DACH2: variants seen among roughly 807,000 people sequenced by gnomAD.
The protein encoded by DACH2 is dachshund homolog 2.
Under a neutral mutation model 35.8 loss-of-function variants are expected in DACH2, and 17 were observed. The observed-to-expected ratio is 0.48, with a 90% CI of 0.33 to 0.71. The LOEUF (loss-of-function observed/expected upper bound fraction) is 0.71, where lower values mean the gene tolerates loss of function less well. DACH2 is among the 30% of genes least tolerant of loss of function. The probability of loss-of-function intolerance (pLI) is 0.02; values close to 1 mark genes in which losing one functional copy is unlikely to be tolerated. For synonymous variants in DACH2, 195 were observed against 177.3 expected (o/e 1.10, Z -0.79); for missense variants, 469 against 472.7 (o/e 0.99, Z 0.07).
chrX:86,403,966 C>A (rs1478420498), intron 2 of DACH2, among the ~76,000 whole-genome samples: 1 of 109,115 alleles, frequency 9.2e-6, no homozygotes, highest in Non-Finnish European at 1.9e-5. Flanking sequence ...AAGTGCAGAG[C>A]AAAGTGGGGG....
intron 4 of DACH2, among the ~76,000 whole-genome samples, chrX:86,688,093 A>G (rs1023042006): frequency 2.7e-5 from 3 of 111,853 alleles, no homozygotes; most frequent in African/African-American, 9.8e-5. Context: ...CAACATTTGT[A>G]GTGCAAGTTG....
At chrX:86,810,806 T>C (rs2042387620) in intron 7 of DACH2, among the ~76,000 whole-genome samples, 2 of 111,190 alleles carry the variant, frequency 1.8e-5, no homozygotes, top group African/African-American at 6.5e-5. Context: ...AATGTGCTGA[T>C]TCTCTCTGGA....
chrX:86,646,921 A>C (rs952285632), intron 3 of DACH2, among the ~76,000 whole-genome samples: 21 of 109,587 alleles, frequency 1.9e-4, no homozygotes, highest in Admixed American at 6.9e-4. Flanking sequence ...ATATGAAAAA[A>C]CATGTTCAAC....
chrX:86,644,647 T>G (rs1389380220), intron 3 of DACH2, among the ~76,000 whole-genome samples: 1 of 111,559 alleles, frequency 9.0e-6, no homozygotes, highest in Non-Finnish European at 1.9e-5. Flanking sequence ...AGAAATCACA[T>G]TACCTGACTT....
intron 1 of DACH2, among the ~76,000 whole-genome samples, chrX:86,326,258 C>T (rs1199233532): frequency 5.4e-5 from 6 of 110,210 alleles, no homozygotes; most frequent in South Asian, 3.8e-4. Flanking sequence ...GGGTGAATCA[C>T]GAGGTCAGGA....
Position 86,813,257 on chromosome X carries a change from C to A in DACH2, c.1517C>A (p.Ala506Glu). The change falls in exon 9 of 12, where the codon GCA becomes GAA. Residue 506 changes from alanine (A) to glutamate (E), a missense_variant. Physicochemically the swap from Ala to Glu is moderately radical, Grantham distance 107. This residue lies in a region of DACH2 where 363 missense variants were observed against 334.4 expected (regional missense o/e 1.09). Coordinates refer to ENST00000373125, the MANE Select transcript of DACH2 (RefSeq NM_053281.3). ...AGAGAAAACCTTGAAAGACAACTTG[C>A]AGTTGAGCTTCAAAGCAGAAGTAAG... ...EIRENLERQL[A>E]VELQSRTTMQ... The A allele has an allele frequency of 8.3e-7, 1 of 1,198,764 alleles. No individual in the cohort carries two copies. Among genetic ancestry groups the A allele is most frequent in the Non-Finnish European group, 1.1e-6 (1 of 891,263 alleles).
chrX:86,724,414 G>C (rs2041442191), intron 6 of DACH2, among the ~76,000 whole-genome samples: 1 of 111,590 alleles, frequency 9.0e-6, no homozygotes, highest in African/African-American at 3.3e-5. Flanking sequence ...GTGTTTGCTT[G>C]TCTGGGAAAT....
At chrX:86,216,386 G>C (rs1285490237) in intron 1 of DACH2, among the ~76,000 whole-genome samples, 1 of 103,030 alleles carries the variant, frequency 9.7e-6, no homozygotes, top group East Asian at 3.1e-4. Flanking sequence ...AGGCCCCGGT[G>C]TGTGATGTTC....
At chrX:86,529,113 T>G (rs568991825) in intron 3 of DACH2, among the ~76,000 whole-genome samples, 1 of 112,319 alleles carries the variant, frequency 8.9e-6, no homozygotes, top group African/African-American at 3.2e-5. Context: ...GGCATGATCA[T>G]AGCTCACTGC....
chrX:86,222,734 T>C (rs2032740630), intron 1 of DACH2, among the ~76,000 whole-genome samples: 1 of 110,547 alleles, frequency 9.0e-6, no homozygotes, highest in Non-Finnish European at 1.9e-5. Context: ...AATGCAGTAC[T>C]AGGAAATGGG....
chrX:86,703,251 C>A (rs1302708787), intron 5 of DACH2, among the ~76,000 whole-genome samples: 1 of 110,909 alleles, frequency 9.0e-6, no homozygotes, highest in Non-Finnish European at 1.9e-5. Flanking sequence ...ACAAATTAGA[C>A]ATTGAAGAAA....
At chrX:86,682,888 T>C (rs925954565) in intron 4 of DACH2, among the ~76,000 whole-genome samples, 1 of 111,538 alleles carries the variant, frequency 9.0e-6, no homozygotes, top group Non-Finnish European at 1.9e-5. Flanking sequence ...TATAGAATAA[T>C]TTTTGGTGAT....
chrX:86,593,363 A>T (rs1484389490), intron 3 of DACH2, among the ~76,000 whole-genome samples: 1 of 107,149 alleles, frequency 9.3e-6, no homozygotes, highest in African/African-American at 3.4e-5. Context: ...AGTAAACCCT[A>T]TTTGATCATG....
intron 2 of DACH2, among the ~76,000 whole-genome samples, chrX:86,479,789 T>A (rs2037909597): frequency 8.9e-6 from 1 of 112,508 alleles, no homozygotes; most frequent in Non-Finnish European, 1.9e-5. Context: ...GTATGTCAAT[T>A]GTATTATTCA....
intron 1 of DACH2, among the ~76,000 whole-genome samples, chrX:86,297,844 A>G (rs1204917728): frequency 8.9e-6 from 1 of 112,138 alleles, no homozygotes; most frequent in East Asian, 2.8e-4. Flanking sequence ...AAACTGGAAC[A>G]CTTTTGAAAG....
chrX:86,471,195 G>A (rs2037755943), intron 2 of DACH2, among the ~76,000 whole-genome samples: 1 of 111,455 alleles, frequency 9.0e-6, no homozygotes, highest in African/African-American at 3.2e-5. Context: ...TTAAAGCAAA[G>A]TTAGACCACT....
chrX:86,709,323 T>C (rs1325582438), intron 5 of DACH2, among the ~76,000 whole-genome samples: 4 of 111,809 alleles, frequency 3.6e-5, no homozygotes, highest in Admixed American at 2.9e-4. Context: ...AGCATTTTTC[T>C]ACAAATTACA....
chrX:86,733,462 A>G (rs2041555935), intron 6 of DACH2, among the ~76,000 whole-genome samples: 1 of 112,073 alleles, frequency 8.9e-6, no homozygotes, highest in African/African-American at 3.2e-5. Flanking sequence ...ATATAGCTAT[A>G]ACATGAATTG....
chrX:86,534,147 G>A (rs1389029015), intron 3 of DACH2, among the ~76,000 whole-genome samples: 1 of 111,883 alleles, frequency 8.9e-6, no homozygotes, highest in African/African-American at 3.2e-5. Context: ...TGTCTTTGCA[G>A]TATTCCATGA....
Sources: allele counts gnomAD v4.1 joint callset (sites outside exome capture counted in the v4.1 genomes callset), GRCh38; gene constraint gnomAD v4.1.1; regional missense constraint gnomAD v4.1.1; transcripts MANE v1.5; gene names NCBI Gene and HGNC (gene_info 2026-07-23, HGNC 2026-07-21).